The following IFT140 variants were observed in gnomAD, a reference collection of about 807,000 sequenced individuals.
The protein encoded by IFT140 is intraflagellar transport protein 140 homolog.
Under a neutral mutation model 164.6 loss-of-function variants are expected in IFT140, and 133 were observed. The observed-to-expected ratio is 0.81, with a 90% CI of 0.70 to 0.93. IFT140 has a LOEUF of 0.93. Ranked by LOEUF, IFT140 falls within the 40% of genes least tolerant of loss-of-function variation. The pLI is 0.00. For synonymous variants in IFT140, 860 were observed against 817.3 expected, an observed-to-expected ratio of 1.05 and a Z score of -0.89; for missense variants, 2,045 against 1,972.3, an observed-to-expected ratio of 1.04 and a Z score of -0.70.
intron 4 of IFT140, among the ~76,000 whole-genome samples, chr16:1,595,240 G>T (rs2035398425): frequency 1.3e-5 from 2 of 152,056 alleles, no homozygotes; most frequent in South Asian, 4.2e-4. Context: ...AGCCGAGATG[G>T]CGCCACTGCA....
intron 19 of IFT140, chr16:1,534,267 GCGTC>G: frequency 6.2e-7 from 1 of 1,609,464 alleles, no homozygotes; most frequent in South Asian, 1.1e-5. Flanking sequence ...GGCGGCACCG[GCGTC>G]AGCGATGACC....
chr16:1,520,418 C>T, intron 27 of IFT140, 75 bp from the exon 28 acceptor site: 1 of 1,513,400 alleles, frequency 6.6e-7, no homozygotes, highest in Non-Finnish European at 9.1e-7. Context: ...CGAGCAGGAG[C>T]TCTCACAAGA....
At chr16:1,605,728 G>A (rs1376035552) in intron 3 of IFT140, among the ~76,000 whole-genome samples, 1 of 152,132 alleles carries the variant, frequency 6.6e-6, no homozygotes, top group Non-Finnish European at 1.5e-5. Flanking sequence ...TGGAATATGA[G>A]GTGCACTGGG....
In IFT140 at chr16:1,592,469, G is replaced by T. The variant is rs776597097; in HGVS notation, c.489C>A (p.Gly163=). 1.9e-6 allele frequency: 3 copies of T among 1,614,092 alleles called. No individual in the cohort carries two copies. The highest frequency in any genetic ancestry group is 1.7e-6 in the Non-Finnish European group (2 of 1,179,962). Residue 163 remains glycine (G), a splice_region_variant and synonymous_variant, in exon 5 of 31, where the codon GGC becomes GGA. Coordinates refer to ENST00000426508, the MANE Select transcript of IFT140 (RefSeq NM_014714.4). ...CACAGGGCAAGCCCCACACTTACTC[G>T]CCAGGAGGGGGGAGCCGGAAGATGC... ...THCIFRLPPP[G]EDLVQLAKAA...
chr16:1,570,213 A>G (rs758214427), intron 14 of IFT140, among the ~76,000 whole-genome samples: 4 of 152,174 alleles, frequency 2.6e-5, no homozygotes, highest in Non-Finnish European at 5.9e-5. Flanking sequence ...AGGTCTGGGC[A>G]CCAGGTGTGC....
Position 1,531,669 on chromosome 16 carries a change from GCC to G in IFT140, c.2400-4875_2400-4874del, listed in dbSNP as rs1394552302. 6.6e-6 allele frequency: 1 copy of G among 152,262 alleles called. No individual in the cohort carries two copies. The highest frequency in any genetic ancestry group is 1.5e-5 in the Non-Finnish European group (1 of 68,118). 9.4% of individuals were successfully genotyped at this position (152,262 alleles called of 1,614,324 possible). ...CTTACATGCTGCTCCCAGGCCTTCC[GCC>G]CTCCCGCGCCCAGCCTGCCATAGCG... On this transcript the variant is annotated intron_variant, in intron 19 of 30. Transcript: ENST00000426508. This position sits in a 1 kb window ranked among gnomAD's most constrained non-coding sequence, Gnocchi z 4.7.
chr16:1,560,912 C>T (rs1049458442), intron 18 of IFT140, among the ~76,000 whole-genome samples: 4 of 152,192 alleles, frequency 2.6e-5, no homozygotes, highest in South Asian at 2.1e-4. Context: ...TGTTTGCTGA[C>T]GGAGTGTGTA....
chr16:1,536,701 G>A (rs1318247358), intron 19 of IFT140, among the ~76,000 whole-genome samples: 2 of 152,140 alleles, frequency 1.3e-5, no homozygotes, highest in South Asian at 2.1e-4. Flanking sequence ...ACACGGGGAC[G>A]CGCCCAGAGT....
At chr16:1,521,344 GCA>G (rs2040521146) in intron 26 of IFT140, among the ~76,000 whole-genome samples, 1 of 151,894 alleles carries the variant, frequency 6.6e-6, no homozygotes, top group Admixed American at 6.6e-5. Context: ...GGGATTGCAG[GCA>G]CAAGCCACCG....
chr16:1,604,076 A>T (rs548797102), intron 3 of IFT140, among the ~76,000 whole-genome samples: 3 of 152,356 alleles, frequency 2.0e-5, no homozygotes, highest in East Asian at 3.9e-4. Context: ...TATTTATTTT[A>T]AAAAATATCC....
chr16:1,585,974 T>C (rs545518062), intron 10 of IFT140, among the ~76,000 whole-genome samples, 156 bp downstream of exon 10: 4 of 152,104 alleles, frequency 2.6e-5, no homozygotes, highest in African/African-American at 9.6e-5. Context: ...GGTTTCACCG[T>C]GTTAGCCAGG....
At chr16:1,583,156 A>G (rs965409890) in intron 12 of IFT140, among the ~76,000 whole-genome samples, 158 bp downstream of exon 12, 2 of 152,196 alleles carry the variant, frequency 1.3e-5, no homozygotes, top group African/African-American at 4.8e-5. Flanking sequence ...GCACGGGGCC[A>G]CAGCTGCAGC....
In IFT140 at chr16:1,520,333, G is replaced by A. The variant is rs369161842; in HGVS notation, c.3671C>T (p.Ala1224Val). 1.7e-5 allele frequency: 28 copies of A among 1,613,906 alleles called. No individual in the cohort carries two copies. Among genetic ancestry groups the A allele is most frequent in the African/African-American group, 4.0e-5 (3 of 74,938 alleles). ...CTCCGTGTCTCCGGATTTGAGCAGC[G>A]CCCTCATGGCCTAGGCAGAGAGACA... Reference protein sequence around the residue: ...QAGNKLKAMRALLKSGDTEKI... With the variant: ...QAGNKLKAMRVLLKSGDTEKI... Residue 1224 changes from alanine (A) to valine (V), a missense_variant, in exon 28 of 31, where the codon GCG becomes GTG. Coordinates refer to ENST00000426508, the MANE Select transcript of IFT140 (RefSeq NM_014714.4).
At chr16:1,587,389 A>T in intron 8 of IFT140, 85 bp from the exon 9 acceptor site, 2 of 817,416 alleles carry the variant, frequency 2.4e-6, no homozygotes, top group Non-Finnish European at 2.1e-6. Flanking sequence ...TGGAGCAAAC[A>T]TTAAAAGTCA....
At chr16:1,588,291 C>T (rs997208888) in intron 7 of IFT140, among the ~76,000 whole-genome samples, 7 of 151,990 alleles carry the variant, frequency 4.6e-5, no homozygotes, top group Admixed American at 2.0e-4. Flanking sequence ...TTTGGGAGGC[C>T]GAGGCAGGCG....
At position 1,588,152 on chromosome 16, in the gene IFT140, C is replaced by T; in HGVS notation, c.811-128G>A. ...TCACCAAGTGGGGGAAACATGGGGA[C>T]AAATGATAGAAACTCTGTGAGGTGG... On this transcript the variant is annotated intron_variant, in intron 7 of 30. Coordinates refer to ENST00000426508, the MANE Select transcript of IFT140 (RefSeq NM_014714.4). 4.4e-6 allele frequency: 3 copies of T among 680,564 alleles called. No individual in the cohort carries two copies. The East Asian group carries it at 8.3e-5, about 19-fold the overall frequency. 42.2% of individuals were successfully genotyped at this position (680,564 alleles called of 1,614,324 possible).
chr16:1,514,524 G>A (rs1352021694), intron 30 of IFT140: 1 of 152,194 alleles, frequency 6.6e-6, no homozygotes, highest in African/African-American at 2.4e-5. Context: ...CTACACATGA[G>A]GCAGGGGAGG....
chr16:1,584,266 G>A lies in IFT140; in HGVS notation c.1310C>T (p.Ala437Val), dbSNP rs199881467. 44 of 1,613,776 alleles carry A rather than the reference G, an allele frequency of 2.7e-5. No individual in the cohort carries two copies. The highest frequency in any genetic ancestry group is 2.2e-5 in the South Asian group (2 of 91,076). The change falls in exon 11 of 31, where the codon GCA becomes GTA. Residue 437 changes from alanine to valine, a missense_variant. Coordinates refer to ENST00000426508, the MANE Select transcript of IFT140 (RefSeq NM_014714.4). ...LNVCFLSTGV[A>V]HSLRTDMHIS... ...GTGCATGTCGGTGCGCAGGCTGTGT[G>A]CGACCCCCGTGGACAGGAAGCACAC...
In IFT140 at chr16:1,584,435, T is replaced by G; in HGVS notation, c.1156-15A>C. 6.3e-7 allele frequency: 1 copy of G among 1,586,736 alleles called. No individual in the cohort carries two copies. On this transcript the variant is annotated splice_polypyrimidine_tract_variant and intron_variant, in intron 10 of 30. Transcript: ENST00000426508. ...CTGGAACCCCACTTCATTTCCAGGT[T>G]GCAAGAGAAAGAACCAGATGTGTGA...
Sources: allele counts gnomAD v4.1 joint callset (sites outside exome capture counted in the v4.1 genomes callset), GRCh38; gene constraint gnomAD v4.1.1; non-coding constraint Gnocchi (gnomAD v3.1); transcripts MANE v1.5; gene names NCBI Gene and HGNC (gene_info 2026-07-23, HGNC 2026-07-21).